HACD3: variants seen among roughly 807,000 people sequenced by gnomAD.
HACD3 encodes very-long-chain (3R)-3-hydroxyacyl-CoA dehydratase 3.
HACD3 carries 30 observed loss-of-function variants against 55.2 expected under a neutral mutation model. The ratio of observed to expected loss-of-function variants is 0.54; its 90% confidence interval spans 0.41 to 0.74. The LOEUF is 0.74. HACD3 is among the 30% of genes least tolerant of loss of function. The pLI is 0.00. For synonymous variants in HACD3, 141 were observed against 151.7 expected, an observed-to-expected ratio of 0.93 and a Z score of 0.52; for missense variants, 363 against 440.1, an observed-to-expected ratio of 0.82 and a Z score of 1.57.
rs1396597955 is a variant in HACD3 at position 65,578,111 on chromosome 15, A to G, written c.*1732A>G. The G allele has an allele frequency of 6.6e-6, 1 of 152,238 alleles. No individual in the cohort carries two copies. Among genetic ancestry groups the G allele is most frequent in the Non-Finnish European group, 1.5e-5 (1 of 68,052 alleles). 9.4% of individuals were successfully genotyped at this position (152,238 alleles called of 1,614,324 possible). A position where few individuals can be genotyped will look rare whatever the true frequency, so the allele number is the denominator to read the frequency against. On this transcript the variant is annotated 3_prime_UTR_variant, in exon 11 of 11. Coordinates refer to ENST00000261875, the MANE Select transcript of HACD3 (RefSeq NM_016395.4). Reference sequence around the variant, plus strand: ...ATTAATATAGGCTAGCTGATTTCTTAAAAATTCGTTGCATTGAAGGATATT... The same window carrying G: ...ATTAATATAGGCTAGCTGATTTCTTGAAAATTCGTTGCATTGAAGGATATT...
chr15:65,558,581 G>A, intron 4 of HACD3, 99 bp from the exon 5 acceptor site: 1 of 1,148,156 alleles, frequency 8.7e-7, no homozygotes, highest in South Asian at 1.3e-5. Flanking sequence ...TGGAGGAGTT[G>A]GCTTTGAGGG....
intron 1 of HACD3, among the ~76,000 whole-genome samples, chr15:65,538,900 ATTAGCAT>A (rs2071990848): frequency 6.6e-6 from 1 of 152,236 alleles, no homozygotes; most frequent in Non-Finnish European, 1.5e-5. Flanking sequence ...TCACATGATC[ATTAGCAT>A]TTTTTAGCAA....
At chr15:65,539,306 C>T (rs942196425) in intron 1 of HACD3, among the ~76,000 whole-genome samples, 17 of 148,348 alleles carry the variant, frequency 1.1e-4, no homozygotes, top group African/African-American at 3.5e-4. Flanking sequence ...CTGCAATCTC[C>T]GCCTCCTGGG....
chr15:65,562,656 G>C, intron 5 of HACD3, 118 bp from the exon 6 acceptor site: 1 of 1,358,132 alleles, frequency 7.4e-7, no homozygotes, highest in Non-Finnish European at 9.8e-7. Flanking sequence ...TATTTGTGTG[G>C]GAGCTTAGGA....
chr15:65,576,207 A>C (rs561856915), intron 10 of HACD3, 96 bp from the exon 11 acceptor site: 2 of 1,506,366 alleles, frequency 1.3e-6, no homozygotes, highest in Non-Finnish European at 1.8e-6. Context: ...TTTGCTGTGG[A>C]ATATGACGAC....
intron 5 of HACD3, among the ~76,000 whole-genome samples, chr15:65,561,548 A>AT (rs2072244562): frequency 6.6e-6 from 1 of 151,970 alleles, no homozygotes; most frequent in South Asian, 2.1e-4. Flanking sequence ...ATGGCCACTC[A>AT]TTTTTTTGCC....
chr15:65,532,598 C>T (rs968857695), intron 1 of HACD3, among the ~76,000 whole-genome samples: 1 of 150,006 alleles, frequency 6.7e-6, no homozygotes, highest in South Asian at 2.1e-4. Flanking sequence ...TGCCATTGCA[C>T]TCCAGCCTGG....
chr15:65,545,529 C>T (rs1219248309), intron 1 of HACD3, among the ~76,000 whole-genome samples: 10 of 151,532 alleles, frequency 6.6e-5, no homozygotes, highest in Admixed American at 3.3e-4. Context: ...TTGGAAGCTC[C>T]GCCTCCCGGG....
At position 65,551,668 on chromosome 15, in the gene HACD3, T is replaced by C; in HGVS notation, c.88-8T>C. 6.2e-7 allele frequency: 1 copy of C among 1,613,996 alleles called. No individual in the cohort carries two copies. Among genetic ancestry groups the C allele is most frequent in the Non-Finnish European group, 8.5e-7 (1 of 1,179,878 alleles). ...ATGCCTTCTTGCATCCTTGGTCTCT[T>C]TTCACAGAACCCTGCCATCAGCATC... On this transcript the variant is annotated splice_polypyrimidine_tract_variant and splice_region_variant and intron_variant, in intron 1 of 10. Coordinates refer to ENST00000261875, the MANE Select transcript of HACD3 (RefSeq NM_016395.4).
chr15:65,532,717 CTG>C (rs2141200342), intron 1 of HACD3, among the ~76,000 whole-genome samples: 1 of 150,316 alleles, frequency 6.7e-6, no homozygotes, highest in South Asian at 2.1e-4. Flanking sequence ...TTTGTTTTCT[CTG>C]GGGTTTCACA....
At position 65,577,201 on chromosome 15, in the gene HACD3, C is replaced by T. The variant is rs1458468028; in HGVS notation, c.*822C>T. On this transcript the variant is annotated 3_prime_UTR_variant, in exon 11 of 11. Transcript: ENST00000261875. ...GCACTTTGGGACACCTAGGTGGGAGCATCGCTTGAAGCCAGGAGTTCAAGA... is the reference window on the plus strand; with the variant it reads ...GCACTTTGGGACACCTAGGTGGGAGTATCGCTTGAAGCCAGGAGTTCAAGA... 6.6e-6 allele frequency: 1 copy of T among 152,150 alleles called. No homozygotes were observed. The allele number at this position is 152,150 out of a possible 1,614,324, so 9.4% of individuals were successfully genotyped here.
At chr15:65,554,668 G>C (rs540853668) in intron 2 of HACD3, among the ~76,000 whole-genome samples, 2 of 151,850 alleles carry the variant, frequency 1.3e-5, no homozygotes, top group Non-Finnish European at 2.9e-5. Context: ...CCAGCTACTC[G>C]GGAGGCTGAG....
At position 65,578,286 on chromosome 15, in the gene HACD3, C is replaced by T. The variant is rs183972529; in HGVS notation, c.*1907C>T. 9.9e-5 allele frequency: 15 copies of T among 152,238 alleles called. No homozygotes were observed. Among genetic ancestry groups the T allele is most frequent in the African/African-American group, 2.9e-4 (12 of 41,542 alleles). The allele number at this position is 152,238 out of a possible 1,614,324, so 9.4% of individuals were successfully genotyped here. The stretch of plus-strand genomic sequence containing the variant: ...TGTATTCTTAGTGATTGTTACAAAC[C>T]CCTTTATTGCTGTCTGAGAAAGTGA... On this transcript the variant is annotated 3_prime_UTR_variant, in exon 11 of 11. Transcript: ENST00000261875.
chr15:65,560,380 A>C (rs565490880), intron 5 of HACD3, among the ~76,000 whole-genome samples: 1 of 151,926 alleles, frequency 6.6e-6, no homozygotes, highest in South Asian at 2.1e-4. Flanking sequence ...TTCTTCCTTT[A>C]CTCTGTAATT....
rs1721775374 is a variant in HACD3 at position 65,577,495 on chromosome 15, G to T, written c.*1116G>T. On this transcript the variant is annotated 3_prime_UTR_variant, in exon 11 of 11. Transcript: ENST00000261875. Reference sequence around the variant, plus strand: ...CACACGAGGTCCAAATGGTAGCAGGGATCCAAAGGGAACACAGTATGTAGG... The same window carrying T: ...CACACGAGGTCCAAATGGTAGCAGGTATCCAAAGGGAACACAGTATGTAGG... 6.6e-6 allele frequency: 1 copy of T among 152,556 alleles called. No individual in the cohort carries two copies. Among genetic ancestry groups the T allele is most frequent in the Non-Finnish European group, 1.5e-5 (1 of 68,390 alleles). The allele number at this position is 152,556 out of a possible 1,614,324, so 9.5% of individuals were successfully genotyped here.
At chr15:65,571,728 T>C in intron 9 of HACD3, 74 bp downstream of exon 9, 1 of 1,134,618 alleles carries the variant, frequency 8.8e-7, no homozygotes, top group Non-Finnish European at 1.3e-6. Flanking sequence ...CAGTCCTTTC[T>C]TCCCCGGCCT....
chr15:65,543,570 C>T (rs765341058), intron 1 of HACD3, among the ~76,000 whole-genome samples: 3 of 152,138 alleles, frequency 2.0e-5, no homozygotes, highest in Non-Finnish European at 4.4e-5. Context: ...GAATTGGAAA[C>T]TTCACTATGA....
chr15:65,575,085 TTTCTTA>T (rs1318897726), intron 10 of HACD3, among the ~76,000 whole-genome samples: 1 of 152,196 alleles, frequency 6.6e-6, no homozygotes, highest in Admixed American at 6.5e-5. Flanking sequence ...TAGTTGCTCT[TTTCTTA>T]TTCTTTAGAA....
rs78465935 is a variant in HACD3, at chr15:65,554,401, C to T, written c.131-486C>T. 3.3e-5 allele frequency among the ~76,000 whole-genome samples: 5 copies of T among 152,276 alleles called. No individual in the cohort carries two copies. The East Asian group carries it at 5.8e-4, about 18-fold the overall frequency. On this transcript the variant is annotated intron_variant, in intron 2 of 10. Coordinates refer to ENST00000261875, the MANE Select transcript of HACD3 (RefSeq NM_016395.4). The stretch of plus-strand genomic sequence containing the variant: ...CCTATCTAGCTGTTGAGGAGCTCTG[C>T]GCACAAGCCCCCACACATTTTAACA...
Sources: allele counts gnomAD v4.1 joint callset (sites outside exome capture counted in the v4.1 genomes callset), GRCh38; gene constraint gnomAD v4.1.1; transcripts MANE v1.5; gene names NCBI Gene and HGNC (gene_info 2026-07-23, HGNC 2026-07-21).